Variants in SBF2 observed in about 807,000 individuals in gnomAD.
SBF2 encodes the protein SET binding factor 2.
Under a neutral mutation model 225.2 loss-of-function variants are expected in SBF2, and 112 were observed. The observed-to-expected ratio is 0.50, with a 90% CI of 0.43 to 0.58. The LOEUF (loss-of-function observed/expected upper bound fraction) is 0.58, where lower values mean the gene tolerates loss of function less well. SBF2 is among the 20% of genes least tolerant of loss of function. The pLI is 0.00. For synonymous variants in SBF2, 763 were observed against 773.3 expected (o/e 0.99, Z 0.22); for missense variants, 1,996 against 2,206.2 (o/e 0.90, Z 1.91).
At chr11:10,204,079 TATC>T (rs1957661957) in intron 1 of SBF2, among the ~76,000 whole-genome samples, 1 of 151,896 alleles carries the variant, frequency 6.6e-6, no homozygotes, top group Admixed American at 6.6e-5. Flanking sequence ...CACAAAGGCA[TATC>T]ATAATAAATT....
chr11:9,886,612 G>T (rs1484890113), intron 17 of SBF2, among the ~76,000 whole-genome samples: 1 of 151,158 alleles, frequency 6.6e-6, no homozygotes, highest in African/African-American at 2.4e-5. Flanking sequence ...TTTTTTTTGA[G>T]ACGAAGTCTC....
At chr11:10,033,663 A>AACACACACACACACACAC (rs66939707) in intron 3 of SBF2, among the ~76,000 whole-genome samples, 1 of 149,674 alleles carries the variant, frequency 6.7e-6, no homozygotes, top group Non-Finnish European at 1.5e-5. Context: ...GCTGTGATTA[A>AACACACACACACACACAC]ACACACACAC....
chr11:10,118,916 A>T (rs144071344), intron 2 of SBF2, among the ~76,000 whole-genome samples: 18 of 150,572 alleles, frequency 1.2e-4, no homozygotes, highest in South Asian at 4.2e-4. Flanking sequence ...AAAAAAAAAC[A>T]AAACTAAACA....
intron 1 of SBF2, among the ~76,000 whole-genome samples, chr11:10,201,132 G>A (rs1182740114): frequency 1.3e-5 from 2 of 152,084 alleles, no homozygotes; most frequent in Non-Finnish European, 2.9e-5. Context: ...CACAGCACTA[G>A]AAAATCAGAC....
At chr11:9,996,187 C>G (rs577947360) in intron 9 of SBF2, among the ~76,000 whole-genome samples, 112 of 152,266 alleles carry the variant, frequency 7.4e-4, no homozygotes, top group African/African-American at 2.5e-3. Flanking sequence ...AATTTTGCTA[C>G]TTAACCCCTA....
chr11:10,274,591 T>C (rs183999029), intron 1 of SBF2, among the ~76,000 whole-genome samples: 1 of 151,818 alleles, frequency 6.6e-6, no homozygotes, highest in Non-Finnish European at 1.5e-5. Flanking sequence ...TCTCTACTAA[T>C]AATACAAAAA....
chr11:9,798,602 C>T (rs1191247266), intron 32 of SBF2, among the ~76,000 whole-genome samples: 1 of 152,190 alleles, frequency 6.6e-6, no homozygotes, highest in Non-Finnish European at 1.5e-5. Flanking sequence ...AGAGTTCTTT[C>T]CACTGAACCA....
At chr11:9,842,221 A>G (rs1258879536) in intron 25 of SBF2, among the ~76,000 whole-genome samples, 1 of 152,202 alleles carries the variant, frequency 6.6e-6, no homozygotes. Flanking sequence ...TTTGATTAAG[A>G]GCACCAACAA....
chr11:9,882,611 A>C (rs913028642), intron 17 of SBF2, among the ~76,000 whole-genome samples: 37 of 152,060 alleles, frequency 2.4e-4, no homozygotes, highest in Non-Finnish European at 4.9e-4. Flanking sequence ...GATCGAGACC[A>C]TCCTGGCTAA....
chr11:10,079,087 A>G (rs930588425), intron 2 of SBF2, among the ~76,000 whole-genome samples: 5 of 152,192 alleles, frequency 3.3e-5, no homozygotes, highest in Non-Finnish European at 5.9e-5. Flanking sequence ...TGAATTCAAA[A>G]ATAAGAAGAA....
intron 26 of SBF2, among the ~76,000 whole-genome samples, chr11:9,834,923 C>T (rs1225759821): frequency 1.3e-5 from 2 of 152,194 alleles, no homozygotes; most frequent in African/African-American, 4.8e-5. Context: ...CACAGACCAT[C>T]CTCTGTTACA....
chr11:10,003,526 C>A (rs1948064107), intron 6 of SBF2, among the ~76,000 whole-genome samples: 2 of 151,888 alleles, frequency 1.3e-5, no homozygotes, highest in African/African-American at 4.8e-5. Context: ...CGCCACCATG[C>A]CCAGCTAATT....
chr11:9,839,558 C>T lies in SBF2; in HGVS notation c.3395G>A (p.Arg1132His), dbSNP rs775391548. 15 of 1,614,014 alleles carry T rather than the reference C, an allele frequency of 9.3e-6. No homozygotes were observed. Among genetic ancestry groups the T allele is most frequent in the African/African-American group, 2.7e-5 (2 of 74,900 alleles). The change falls in exon 26 of 40, where the codon CGT (arginine) becomes CAT (histidine). Residue 1132 changes from arginine to histidine, a missense_variant. Arg to His is a conservative substitution (Grantham distance 29, BLOSUM62 0). Transcript: ENST00000256190. The stretch of plus-strand genomic sequence containing the variant: ...AATTCTAAAATACTCGGGTCTTGAA[C>T]GGGAAGAGCTGCCACTTATGGTTCC... ...GLGTISGSSSRSRPEYFRITA... is the reference protein window; with the variant it reads ...GLGTISGSSSHSRPEYFRITA...
At chr11:9,994,367 T>C (rs1010905151) in intron 9 of SBF2, among the ~76,000 whole-genome samples, 3 of 150,402 alleles carry the variant, frequency 2.0e-5, no homozygotes, top group Non-Finnish European at 3.0e-5. Context: ...CCCAGCTACT[T>C]GGGAGGCTGA....
At chr11:9,799,874 G>T (rs889417118) in intron 32 of SBF2, among the ~76,000 whole-genome samples, 2 of 152,190 alleles carry the variant, frequency 1.3e-5, no homozygotes, top group Non-Finnish European at 1.5e-5. Context: ...AATGAAGAAT[G>T]ATGTCAACTT....
intron 2 of SBF2, among the ~76,000 whole-genome samples, chr11:10,184,364 T>C (rs1275587690): frequency 1.3e-5 from 2 of 152,206 alleles, no homozygotes; most frequent in Non-Finnish European, 2.9e-5. Flanking sequence ...TTTTCCCAGA[T>C]AGTTTTTGGC....
At chr11:10,149,576 A>G (rs1339708864) in intron 2 of SBF2, 1 of 152,210 alleles carries the variant, frequency 6.6e-6, no homozygotes, top group African/African-American at 2.4e-5. Flanking sequence ...AGAGTTTTAC[A>G]AACATTCATC....
chr11:9,823,934 T>C (rs776116168), intron 28 of SBF2, among the ~76,000 whole-genome samples: 7 of 152,204 alleles, frequency 4.6e-5, no homozygotes, highest in Non-Finnish European at 1.0e-4. Flanking sequence ...GAGATTTGCG[T>C]TTCTGGATTT....
intron 13 of SBF2, among the ~76,000 whole-genome samples, chr11:9,969,213 T>C (rs950819633): frequency 7.2e-5 from 11 of 152,232 alleles, no homozygotes; most frequent in Non-Finnish European, 1.3e-4. Flanking sequence ...TCTGCAGATC[T>C]TGTGGACTTG....
Sources: allele counts gnomAD v4.1 joint callset (sites outside exome capture counted in the v4.1 genomes callset), GRCh38; gene constraint gnomAD v4.1.1; transcripts MANE v1.5; gene names NCBI Gene and HGNC (gene_info 2026-07-23, HGNC 2026-07-21).